The following PDZD2 variants were observed in gnomAD, a reference collection of about 807,000 sequenced individuals.
The protein encoded by PDZD2 is PDZ domain containing 2, also known as PDZ domain-containing protein 2.
A neutral mutation model predicts 220.7 loss-of-function variants in PDZD2; 90 were observed. The observed-to-expected ratio is 0.41, with a 90% CI of 0.34 to 0.49. The LOEUF is 0.49. Among genes scored for constraint, PDZD2 ranks in the 20% least tolerant of loss-of-function variants. The pLI is 0.28. For missense variants in PDZD2, 3,174 were observed against 3,608.5 expected (o/e 0.88, Z 3.08); for synonymous variants, 1,375 against 1,450.5 (o/e 0.95, Z 1.18).
At chr5:31,659,617 A>C (rs983796753) in intron 1 of PDZD2, among the ~76,000 whole-genome samples, 1 of 151,988 alleles carries the variant, frequency 6.6e-6, no homozygotes, top group Non-Finnish European at 1.5e-5. Flanking sequence ...TGCAACCACT[A>C]TCCATTGGAT....
At chr5:31,951,511 T>C (rs376037878) in intron 2 of PDZD2, among the ~76,000 whole-genome samples, 2 of 152,216 alleles carry the variant, frequency 1.3e-5, no homozygotes, top group South Asian at 2.1e-4. Context: ...GACACAAACA[T>C]TGAGTCCACA....
At chr5:31,694,315 C>T (rs866324200) in intron 1 of PDZD2, among the ~76,000 whole-genome samples, 1 of 152,058 alleles carries the variant, frequency 6.6e-6, no homozygotes, top group Non-Finnish European at 1.5e-5. Context: ...TCATTTGAAC[C>T]CAAGAGGCGG....
At chr5:32,024,796 C>T (rs377639932) in intron 6 of PDZD2, among the ~76,000 whole-genome samples, 3 of 152,164 alleles carry the variant, frequency 2.0e-5, no homozygotes, top group African/African-American at 4.8e-5. Context: ...TGAAGGACCA[C>T]ATAATAAGCA....
Position 32,108,272 on chromosome 5 carries a change from A to G in PDZD2, c.*137A>G, listed in dbSNP as rs989678181. On this transcript the variant is annotated 3_prime_UTR_variant, in exon 25 of 25. Transcript: ENST00000438447. ...AAAATCTCCAAGCTTGTGCTTACAC[A>G]TGAAGCCTGACTTAACTGTATGTGC... 5.3e-6 allele frequency: 3 copies of G among 563,430 alleles called. No homozygotes were observed. The highest frequency in any genetic ancestry group is 1.9e-5 in the African/African-American group (1 of 52,468). The allele number at this position is 563,430 out of a possible 1,614,324, so 34.9% of individuals were successfully genotyped here. A position where few individuals can be genotyped will look rare whatever the true frequency, so the allele number is the denominator to read the frequency against.
chr5:31,759,504 A>ACCCAAAAC (rs1385176498), intron 1 of PDZD2, among the ~76,000 whole-genome samples: 2 of 150,260 alleles, frequency 1.3e-5, no homozygotes, highest in African/African-American at 2.5e-5. Flanking sequence ...AGATACACAT[A>ACCCAAAAC]CCCAAAACCT....
chr5:31,995,830 T>C (rs1359869969), intron 4 of PDZD2, 112 bp downstream of exon 4: 1 of 968,412 alleles, frequency 1.0e-6, no homozygotes, highest in African/African-American at 1.6e-5. Context: ...CGATTATAGT[T>C]CATAAAGATT....
At chr5:31,773,809 T>G (rs928558340) in intron 1 of PDZD2, among the ~76,000 whole-genome samples, 1 of 152,224 alleles carries the variant, frequency 6.6e-6, no homozygotes, top group Admixed American at 6.5e-5. Flanking sequence ...ACAAGTCACT[T>G]GGGCTCTCTG....
intron 2 of PDZD2, among the ~76,000 whole-genome samples, chr5:31,971,549 A>G (rs1749298487): frequency 1.3e-5 from 2 of 152,188 alleles, no homozygotes; most frequent in African/African-American, 4.8e-5. Context: ...TATCCAATCA[A>G]AAAGCAAAAG....
chr5:32,036,227 G>C (rs926210416), intron 6 of PDZD2, among the ~76,000 whole-genome samples: 5 of 152,126 alleles, frequency 3.3e-5, no homozygotes, highest in Non-Finnish European at 7.3e-5. Context: ...CTGCCTCCGG[G>C]CATGAGCCAC....
At chr5:32,053,438 G>A (rs1011027464) in intron 9 of PDZD2, among the ~76,000 whole-genome samples, 1 of 152,348 alleles carries the variant, frequency 6.6e-6, no homozygotes, top group Admixed American at 6.5e-5. Context: ...ACTCTTAAGA[G>A]CTATTTAGTG....
intron 2 of PDZD2, among the ~76,000 whole-genome samples, chr5:31,980,442 A>C (rs139897510): frequency 0.012 from 1,839 of 152,370 alleles, 13 homozygotes; most frequent in South Asian, 0.019. Flanking sequence ...CAGTTGATGG[A>C]ATGGAAGACC....
intron 2 of PDZD2, among the ~76,000 whole-genome samples, chr5:31,951,492 A>G (rs1021400263): frequency 2.0e-5 from 3 of 152,224 alleles, no homozygotes; most frequent in African/African-American, 7.2e-5. Flanking sequence ...CAACATAAGA[A>G]TTTGGGGAGA....
intron 2 of PDZD2, among the ~76,000 whole-genome samples, chr5:31,845,268 G>A (rs545830798): frequency 1.1e-4 from 17 of 152,126 alleles, no homozygotes; most frequent in Non-Finnish European, 1.9e-4. Context: ...TAAGGTAGAC[G>A]GTTTAAATAT....
chr5:31,866,535 G>A (rs146847662), intron 2 of PDZD2, among the ~76,000 whole-genome samples: 364 of 152,162 alleles, frequency 2.4e-3, no homozygotes, highest in Non-Finnish European at 3.8e-3. Context: ...GAGCCTCCCC[G>A]ACGATACTCT....
At chr5:31,820,785 A>C (rs1167982291) in intron 2 of PDZD2, 10 of 152,202 alleles carry the variant, frequency 6.6e-5, no homozygotes, top group Non-Finnish European at 1.5e-4. Context: ...TAATGTATGA[A>C]TGCCAGAGTG....
At chr5:31,905,777 T>A (rs1742588946) in intron 2 of PDZD2, among the ~76,000 whole-genome samples, 1 of 152,156 alleles carries the variant, frequency 6.6e-6, no homozygotes. Context: ...AACAACCCAT[T>A]CAGAGCCTGG....
At chr5:31,682,671 C>CTGTGTGTG (rs70955735) in intron 1 of PDZD2, among the ~76,000 whole-genome samples, 25 of 146,348 alleles carry the variant, frequency 1.7e-4, no homozygotes, top group African/African-American at 5.6e-4. Flanking sequence ...AGTCTTTCGG[C>CTGTGTGTG]TGTGTGTGTG....
intron 1 of PDZD2, among the ~76,000 whole-genome samples, chr5:31,705,170 A>ATG (rs1381199578): frequency 7.8e-6 from 1 of 127,924 alleles, no homozygotes; most frequent in African/African-American, 3.2e-5. Context: ...CAAAAAATAC[A>ATG]TGTATACACA....
chr5:31,729,182 C>A (rs372376848), intron 1 of PDZD2, among the ~76,000 whole-genome samples: 2 of 144,378 alleles, frequency 1.4e-5, no homozygotes, highest in Non-Finnish European at 3.0e-5. Flanking sequence ...CGGCTAACTG[C>A]AACCTCCGCC....
Sources: gnomAD v4.1 joint callset for allele counts (sites outside exome capture counted in the v4.1 genomes callset) on GRCh38, gnomAD v4.1.1 for gene constraint, MANE v1.5 for transcripts, NCBI Gene and HGNC (gene_info 2026-07-23, HGNC 2026-07-21) for gene names.